Variants in CNBD1 observed in about 807,000 individuals in gnomAD.
CNBD1 encodes cyclic nucleotide binding domain containing 1.
CNBD1 carries 71 observed loss-of-function variants against 54.4 expected under a neutral mutation model. The observed-to-expected ratio is 1.30, with a 90% CI of 1.08 to 1.59. CNBD1 has a LOEUF of 1.59. Ranked by LOEUF, CNBD1 falls within the 40% of genes most tolerant of loss-of-function variation. The pLI is 0.00. For missense variants in CNBD1, 659 were observed against 518.0 expected (o/e 1.27, Z -2.64); for synonymous variants, 182 against 170.7 (o/e 1.07, Z -0.51).
intron 4 of CNBD1, among the ~76,000 whole-genome samples, chr8:87,100,274 A>G (rs1029540604): frequency 3.3e-5 from 5 of 152,228 alleles, no homozygotes; most frequent in Non-Finnish European, 5.9e-5. Context: ...GATAACAAGA[A>G]TAATATCTAG....
intron 2 of CNBD1, among the ~76,000 whole-genome samples, chr8:86,899,127 G>T (rs1041858817): frequency 4.7e-5 from 7 of 149,726 alleles, no homozygotes; most frequent in African/African-American, 1.7e-4. Context: ...TTAAAAAAAC[G>T]CAAATACAGA....
chr8:86,985,337 C>T (rs890374794), intron 4 of CNBD1, among the ~76,000 whole-genome samples: 1 of 152,114 alleles, frequency 6.6e-6, no homozygotes, highest in Admixed American at 6.6e-5. Context: ...GATCTCATTA[C>T]CCAGGTAGTG....
intron 5 of CNBD1, among the ~76,000 whole-genome samples, chr8:87,230,089 A>G (rs138400914): frequency 6.6e-6 from 1 of 152,220 alleles, no homozygotes; most frequent in African/African-American, 2.4e-5. Flanking sequence ...ATGGGAGCCA[A>G]GACTTTATAT....
chr8:87,046,497 C>T (rs1432546451), intron 4 of CNBD1, among the ~76,000 whole-genome samples: 1 of 152,040 alleles, frequency 6.6e-6, no homozygotes, highest in African/African-American at 2.4e-5. Flanking sequence ...GGTCGGGGAC[C>T]ACTGCCACTA....
chr8:86,905,900 T>C (rs4373537), intron 3 of CNBD1, among the ~76,000 whole-genome samples: 141,653 of 152,232 alleles, frequency 0.93, 66,001 homozygotes, highest in East Asian at 1. Flanking sequence ...AAGTATCTTA[T>C]AGTGGATATG....
chr8:87,428,539 C>T, intron 2 of CNBD1: 1 of 441,046 alleles, frequency 2.3e-6, no homozygotes, highest in Non-Finnish European at 4.5e-6. Flanking sequence ...CTTCTGTTTT[C>T]ATCTAGAATT....
intron 6 of CNBD1, among the ~76,000 whole-genome samples, chr8:87,276,592 T>A (rs1808484880): frequency 6.6e-6 from 1 of 151,902 alleles, no homozygotes; most frequent in Non-Finnish European, 1.5e-5. Flanking sequence ...TGAATGTCAG[T>A]CTGCTTTATA....
At chr8:87,246,352 A>G (rs1218315222) in intron 6 of CNBD1, among the ~76,000 whole-genome samples, 1 of 152,208 alleles carries the variant, frequency 6.6e-6, no homozygotes, top group African/African-American at 2.4e-5. Flanking sequence ...GATGCCAATA[A>G]CTATCAGAAT....
At chr8:87,290,748 A>T (rs767425382) in intron 8 of CNBD1, among the ~76,000 whole-genome samples, 9 of 152,142 alleles carry the variant, frequency 5.9e-5, no homozygotes, top group Admixed American at 1.3e-4. Context: ...TAGGATTTGA[A>T]GCTGAAATTG....
At chr8:87,360,226 G>A (rs1810499281) in intron 10 of CNBD1, among the ~76,000 whole-genome samples, 1 of 151,874 alleles carries the variant, frequency 6.6e-6, no homozygotes, top group African/African-American at 2.4e-5. Context: ...TGCTCTACTG[G>A]AGAATTATAT....
At chr8:87,168,561 C>T (rs937240015) in intron 4 of CNBD1, among the ~76,000 whole-genome samples, 8 of 151,928 alleles carry the variant, frequency 5.3e-5, no homozygotes, top group African/African-American at 1.9e-4. Context: ...ACCATCCCTA[C>T]TTCCCCACCC....
rs553549444 is a variant in CNBD1 at position 87,205,269 on chromosome 8, T to G, written c.432-724T>G. ...GGATAGTCTTGATCTCCTGACCTCG[T>G]GATCCACCCGCCTCGGCCTCCCAAA... is the stretch of plus-strand genomic sequence containing the variant. On this transcript the variant is annotated intron_variant, in intron 4 of 10. Transcript: ENST00000518476. Among the ~76,000 whole-genome samples, 14 of 152,286 alleles carry G rather than the reference T, an allele frequency of 9.2e-5. No homozygotes were observed. The East Asian group carries it at 9.7e-4, about 11-fold the overall frequency.
intron 4 of CNBD1, among the ~76,000 whole-genome samples, chr8:87,122,618 A>G (rs537656954): frequency 5.9e-5 from 9 of 151,978 alleles, no homozygotes; most frequent in Admixed American, 3.9e-4. Flanking sequence ...TGCCCAGACC[A>G]ATGTCATTTA....
At chr8:87,244,278 G>C (rs1397752920) in intron 6 of CNBD1, among the ~76,000 whole-genome samples, 1 of 152,132 alleles carries the variant, frequency 6.6e-6, no homozygotes, top group African/African-American at 2.4e-5. Context: ...CTTTCCAAAG[G>C]TGACAATCAG....
At chr8:87,142,402 G>A (rs955986100) in intron 4 of CNBD1, among the ~76,000 whole-genome samples, 3 of 152,056 alleles carry the variant, frequency 2.0e-5, no homozygotes, top group Non-Finnish European at 4.4e-5. Context: ...GTAGGATTGG[G>A]GACCGTTTGG....
intron 8 of CNBD1, among the ~76,000 whole-genome samples, chr8:87,295,447 TAATTA>T (rs774153070): frequency 7.8e-4 from 118 of 151,742 alleles, no homozygotes; most frequent in Middle Eastern, 3.4e-3. Flanking sequence ...TGCTAGATAA[TAATTA>T]AATTAAAATA....
chr8:87,207,232 CAT>C (rs1813995327), intron 5 of CNBD1, among the ~76,000 whole-genome samples: 1 of 152,000 alleles, frequency 6.6e-6, no homozygotes, highest in Non-Finnish European at 1.5e-5. Flanking sequence ...TCACTGAAAA[CAT>C]ATTTGTAACA....
intron 3 of CNBD1, among the ~76,000 whole-genome samples, chr8:86,926,847 A>T (rs1468602542): frequency 6.6e-6 from 1 of 152,184 alleles, no homozygotes; most frequent in East Asian, 1.9e-4. Flanking sequence ...AATGAAGTAG[A>T]TAAACTGGCT....
chr8:86,941,305 A>C (rs1020433324), intron 4 of CNBD1, among the ~76,000 whole-genome samples: 9 of 152,236 alleles, frequency 5.9e-5, no homozygotes, highest in African/African-American at 2.2e-4. Flanking sequence ...ATGCTCACTA[A>C]ATTCGTTAAA....
Sources: allele counts gnomAD v4.1 joint callset (sites outside exome capture counted in the v4.1 genomes callset), GRCh38; gene constraint gnomAD v4.1.1; transcripts MANE v1.5; gene names NCBI Gene and HGNC (gene_info 2026-07-23, HGNC 2026-07-21).